The following ATP2A3 variants were observed in gnomAD, a reference collection of about 807,000 sequenced individuals.
The protein encoded by ATP2A3 is sarcoplasmic/endoplasmic reticulum calcium ATPase 3.
A neutral mutation model predicts 106.8 loss-of-function variants in ATP2A3; 61 were observed. The ratio of observed to expected loss-of-function variants is 0.57; its 90% CI spans 0.46 to 0.71. The LOEUF (loss-of-function observed/expected upper bound fraction) is 0.71. ATP2A3 is among the 30% of genes least tolerant of loss of function. The pLI, the probability that ATP2A3 is intolerant of heterozygous loss-of-function variation, is 0.00. For missense variants in ATP2A3, 1,201 were observed against 1,423.5 expected (o/e 0.84, Z 2.52); for synonymous variants, 611 against 609.3 (o/e 1.00, Z -0.04).
chr17:3,941,105 G>A lies in ATP2A3; in HGVS notation c.1966C>T (p.Arg656Cys), dbSNP rs140404080. The part of the protein sequence containing the change: ...EDVAGKAYTG[R>C]EFDDLSPEQQ... ...TCGGGGCTGAGGTCATCAAACTCGC[G>A]GCCCGTGTAGGCCTTGCCCGCCACG... is the stretch of plus-strand genomic sequence containing the variant. The change falls in exon 14 of 21, where the codon CGC becomes TGC. Residue 656 changes from arginine (R) to cysteine (C), a missense_variant. By Grantham distance (180) the Arg-to-Cys change is radical. Transcript: ENST00000397041. The A allele has an allele frequency of 1.2e-3, 1,911 of 1,613,984 alleles. 3 individuals carry two copies. The highest frequency in any genetic ancestry group is 1.5e-3 in the Non-Finnish European group (1,743 of 1,179,962).
rs1472489819 is a variant in ATP2A3, at chr17:3,955,323, G to A, written c.119-1613C>T. 6.6e-6 allele frequency among the ~76,000 whole-genome samples: 1 copy of A among 152,150 alleles called. No homozygotes were observed. The highest frequency in any genetic ancestry group is 1.5e-5 in the Non-Finnish European group (1 of 68,032). Reference sequence around the variant, plus strand: ...GGACCACCTGTTTGGAAGCTTTGGGGTCTGCACCTGGCAGCTGAACCCTGG... The same window carrying A: ...GGACCACCTGTTTGGAAGCTTTGGGATCTGCACCTGGCAGCTGAACCCTGG... On this transcript the variant is annotated intron_variant, in intron 1 of 20. Transcript: ENST00000397041. The surrounding 1 kb of genome is among the most constrained non-coding windows in gnomAD (Gnocchi z 4.2).
chr17:3,944,577 C>T (rs73971760), intron 10 of ATP2A3, 127 bp downstream of exon 10: 1 of 924,796 alleles, frequency 1.1e-6, no homozygotes, highest in Non-Finnish European at 1.7e-6. Context: ...GCAGGGGTAA[C>T]CGTGCTCCCT....
chr17:3,941,085 G>A lies in ATP2A3; in HGVS notation c.1986C>T (p.Ser662=), dbSNP rs1221080753. The A allele has an allele frequency of 5.6e-6, 9 of 1,613,766 alleles. No individual in the cohort carries two copies. Among genetic ancestry groups the A allele is most frequent in the African/African-American group, 1.3e-5 (1 of 74,930 alleles). The change falls in exon 14 of 21, where the codon AGC becomes AGT. Residue 662 remains serine (S), a synonymous_variant. Transcript: ENST00000397041. ...AYTGREFDDL[S]PEQQRQACRT... is the part of the protein sequence containing the mutation. ...GGCAGGCCTGGCGCTGCTGCTCGGG[G>A]CTGAGGTCATCAAACTCGCGGCCCG...
At position 3,925,319 on chromosome 17, in the gene ATP2A3, G is replaced by A; in HGVS notation, c.*103C>T. On this transcript the variant is annotated 3_prime_UTR_variant, in exon 21 of 21. Coordinates refer to ENST00000397041, the MANE Select transcript of ATP2A3 (RefSeq NM_005173.4). This position sits in a 1 kb window ranked among gnomAD's most constrained non-coding sequence, Gnocchi z 4.2. The stretch of plus-strand genomic sequence containing the variant: ...TGTCATTTATCCGGCGGGACCCGGT[G>A]GGCAAGTGGGCGAGTGTGGTGGCAA... 2 of 1,596,908 alleles carry A rather than the reference G, an allele frequency of 1.3e-6. No individual in the cohort carries two copies. Among genetic ancestry groups the A allele is most frequent in the Non-Finnish European group, 1.7e-6 (2 of 1,167,746 alleles).
Position 3,951,161 on chromosome 17 carries a change from C to T in ATP2A3, c.463+90G>A, listed in dbSNP as rs191386627. On this transcript the variant is annotated intron_variant, in intron 5 of 20. Coordinates refer to ENST00000397041, the MANE Select transcript of ATP2A3 (RefSeq NM_005173.4). ...GCACTCCAGTCTGGGCAACAGAGCA[C>T]GACTCCATCTCAAAAAATAAATAAA... 6.0e-4 allele frequency: 664 copies of T among 1,108,194 alleles called. 2 individuals carry two copies. The African/African-American group carries it at 8.9e-3, about 15-fold the overall frequency. 68.6% of individuals were successfully genotyped at this position (1,108,194 alleles called of 1,614,324 possible).
intron 3 of ATP2A3, among the ~76,000 whole-genome samples, chr17:3,952,208 C>A (rs1193877100): frequency 6.6e-6 from 1 of 152,076 alleles, no homozygotes; most frequent in Admixed American, 6.6e-5. Flanking sequence ...CCTCAGCCTC[C>A]CGGGTAGATG....
At position 3,924,502 on chromosome 17, in the gene ATP2A3, C is replaced by T. The variant is rs373023676; in HGVS notation, c.*920G>A. ...CAGAGGCCCCCAGCTGTGCAGACAG[C>T]GCGGCGGCCGCACACTGGGCTGGGT... On this transcript the variant is annotated 3_prime_UTR_variant, in exon 21 of 21. Coordinates refer to ENST00000397041, the MANE Select transcript of ATP2A3 (RefSeq NM_005173.4). This position sits in a 1 kb window ranked among gnomAD's most constrained non-coding sequence, Gnocchi z 6.4. The T allele has an allele frequency of 3.8e-5, 12 of 316,484 alleles. No individual in the cohort carries two copies. Among genetic ancestry groups the T allele is most frequent in the East Asian group, 2.0e-4 (2 of 10,126 alleles). The allele number at this position is 316,484 out of a possible 1,614,324, so 19.6% of individuals were successfully genotyped here.
At position 3,941,096 on chromosome 17, in the gene ATP2A3, C is replaced by T. The variant is rs753140827; in HGVS notation, c.1975G>A (p.Asp659Asn). 1.2e-6 allele frequency: 2 copies of T among 1,613,962 alleles called. No homozygotes were observed. Among genetic ancestry groups the T allele is most frequent in the East Asian group, 2.2e-5 (1 of 44,870 alleles). ...CGCTGCTGCTCGGGGCTGAGGTCATCAAACTCGCGGCCCGTGTAGGCCTTG... is the reference window on the plus strand; with the variant it reads ...CGCTGCTGCTCGGGGCTGAGGTCATTAAACTCGCGGCCCGTGTAGGCCTTG... ...AGKAYTGREF[D>N]DLSPEQQRQA... The change falls in exon 14 of 21, where the codon GAT becomes AAT. Residue 659 changes from aspartate (D) to asparagine (N), a missense_variant. Asp to Asn is a conservative substitution (Grantham distance 23). Coordinates refer to ENST00000397041, the MANE Select transcript of ATP2A3 (RefSeq NM_005173.4).
chr17:3,940,444 C>A (rs534320039), intron 14 of ATP2A3, among the ~76,000 whole-genome samples: 1 of 152,190 alleles, frequency 6.6e-6, no homozygotes, highest in African/African-American at 2.4e-5. Context: ...AAAGCAAATA[C>A]AATAAAATGT....
chr17:3,931,069 GT>G (rs2053052712), intron 17 of ATP2A3, among the ~76,000 whole-genome samples: 1 of 151,864 alleles, frequency 6.6e-6, no homozygotes, highest in Non-Finnish European at 1.5e-5. Context: ...GAACCCGGGG[GT>G]CAGAGGTTGT....
At chr17:3,944,927 C>T (rs2054016987) in intron 9 of ATP2A3, 121 bp from the exon 10 acceptor site, 17 of 1,335,110 alleles carry the variant, frequency 1.3e-5, no homozygotes, top group Non-Finnish European at 1.7e-5. Context: ...AGGGCTCCGC[C>T]TCCTGGCCCC....
intron 17 of ATP2A3, among the ~76,000 whole-genome samples, chr17:3,931,667 G>A (rs971862854): frequency 4.0e-5 from 6 of 151,684 alleles, no homozygotes; most frequent in East Asian, 1.9e-4. Flanking sequence ...GACTACAGGC[G>A]CCCGCCACCA....
At chr17:3,951,723 G>A (rs567982506) in intron 3 of ATP2A3, 38 bp from the exon 4 acceptor site, 72 of 1,568,338 alleles carry the variant, frequency 4.6e-5, no homozygotes, top group Middle Eastern at 1.7e-4. Flanking sequence ...GCCCTGCTGC[G>A]GGCCGAGATC....
At chr17:3,950,041 A>G (rs944559803) in intron 7 of ATP2A3, among the ~76,000 whole-genome samples, 3 of 151,748 alleles carry the variant, frequency 2.0e-5, no homozygotes, top group Admixed American at 2.0e-4. Flanking sequence ...AGGTGCCTGT[A>G]GTCCCAGCTA....
Position 3,947,704 on chromosome 17 carries a change from G to A in ATP2A3, c.782C>T (p.Ser261Phe). ...CACGCAGATCACAGAGATGGCGTGG[G>A]ACAGCTGCCGTCCAAACTCGTCCAG... is the stretch of plus-strand genomic sequence containing the variant. Reference protein sequence around the residue: ...RKLDEFGRQLSHAISVICVAV... With the variant: ...RKLDEFGRQLFHAISVICVAV... The change falls in exon 8 of 21, where the codon TCC becomes TTC. Residue 261 changes from serine to phenylalanine, a missense_variant. Physicochemically the swap from Ser to Phe is radical, Grantham distance 155 (BLOSUM62 -2). This residue lies in a region of ATP2A3 where 935 missense variants were observed against 1,176.7 expected (regional missense o/e 0.79). Transcript: ENST00000397041. The surrounding 1 kb of genome is among the most constrained non-coding windows in gnomAD (Gnocchi z 7.7). 1 of 1,611,390 alleles carries A rather than the reference G, an allele frequency of 6.2e-7. No homozygotes were observed. The highest frequency in any genetic ancestry group is 1.7e-5 in the Admixed American group (1 of 60,014).
chr17:3,928,292 G>T lies in ATP2A3; in HGVS notation c.2980+371C>A, dbSNP rs2052831149. ...GTCAGCGGCTGCCTACTCCAGGCCT[G>T]CGAGACTGTCCTGAGAAGGCCTGGA... On this transcript the variant is annotated intron_variant, in intron 20 of 20. Transcript: ENST00000397041. The surrounding 1 kb of genome is among the most constrained non-coding windows in gnomAD (Gnocchi z 6.1). 1.2e-6 allele frequency: 2 copies of T among 1,613,272 alleles called. No individual in the cohort carries two copies. The highest frequency in any genetic ancestry group is 1.7e-6 in the Non-Finnish European group (2 of 1,180,034).
intron 20 of ATP2A3, chr17:3,927,499 G>A (rs921811822): frequency 2.8e-5 from 28 of 985,332 alleles, no homozygotes; most frequent in Non-Finnish European, 3.4e-5. Context: ...GTGTGGTCAA[G>A]GGCGGCTGGA....
chr17:3,943,554 G>A (rs1319327146), intron 10 of ATP2A3, 32 bp from the exon 11 acceptor site: 1 of 1,613,450 alleles, frequency 6.2e-7, no homozygotes, highest in Non-Finnish European at 8.5e-7. Context: ...GGGAGTGAGG[G>A]GCAGGCAGCC....
chr17:3,961,041 C>T (rs570156827), intron 1 of ATP2A3, among the ~76,000 whole-genome samples: 1 of 152,294 alleles, frequency 6.6e-6, no homozygotes, highest in East Asian at 1.9e-4. Context: ...GGCACCGGCT[C>T]CAAGAATGAC....
Sources: gnomAD v4.1 joint callset for allele counts (sites outside exome capture counted in the v4.1 genomes callset) on GRCh38, gnomAD v4.1.1 for gene constraint, gnomAD v4.1.1 regional missense constraint, Gnocchi (gnomAD v3.1) non-coding constraint, MANE v1.5 for transcripts, NCBI Gene and HGNC (gene_info 2026-07-23, HGNC 2026-07-21) for gene names.